NMNAT2: variants seen among roughly 807,000 people sequenced by gnomAD.
NMNAT2 encodes nicotinamide nucleotide adenylyltransferase 2, also known as nicotinamide/nicotinic acid mononucleotide adenylyltransferase 2.
A neutral mutation model predicts 41.6 loss-of-function variants in NMNAT2; 11 were observed. The observed-to-expected ratio is 0.26, with a 90% CI of 0.17 to 0.44. The LOEUF is 0.44. Ranked by LOEUF, NMNAT2 falls within the 20% of genes least tolerant of loss-of-function variation. The pLI is 1.00. For synonymous variants in NMNAT2, 148 were observed against 151.2 expected (o/e 0.98, Z 0.16); for missense variants, 288 against 407.7 (o/e 0.71, Z 2.53).
At chr1:183,307,072 G>C (rs564163664) in intron 1 of NMNAT2, among the ~76,000 whole-genome samples, 1 of 152,274 alleles carries the variant, frequency 6.6e-6, no homozygotes, top group South Asian at 2.1e-4. Flanking sequence ...AAAATGTGCA[G>C]CTTGCCAATG....
chr1:183,351,827 C>T (rs566342905), intron 1 of NMNAT2, among the ~76,000 whole-genome samples: 2 of 152,216 alleles, frequency 1.3e-5, no homozygotes, highest in South Asian at 2.1e-4. Context: ...AAACCAGGTA[C>T]CCTTGGAAAG....
intron 1 of NMNAT2, among the ~76,000 whole-genome samples, chr1:183,304,483 C>A (rs780501936): frequency 6.6e-6 from 1 of 152,040 alleles, no homozygotes; most frequent in Non-Finnish European, 1.5e-5. Context: ...GACTGGCCAG[C>A]AGAAGGTGCG....
intron 1 of NMNAT2, among the ~76,000 whole-genome samples, chr1:183,333,292 T>C (rs1662620970): frequency 6.6e-6 from 1 of 152,222 alleles, no homozygotes; most frequent in Non-Finnish European, 1.5e-5. Flanking sequence ...TCATCTCTAC[T>C]ATGGTAGGCA....
At chr1:183,272,738 C>T (rs923816703) in intron 8 of NMNAT2, among the ~76,000 whole-genome samples, 3 of 152,220 alleles carry the variant, frequency 2.0e-5, no homozygotes, top group African/African-American at 4.8e-5. Context: ...CGGTCTCAGC[C>T]GGTTCCAGCC....
intron 1 of NMNAT2, among the ~76,000 whole-genome samples, chr1:183,388,607 A>G (rs1205229542): frequency 6.6e-6 from 1 of 152,254 alleles, no homozygotes; most frequent in Non-Finnish European, 1.5e-5. Context: ...TGCAACCACT[A>G]GTCCTCAGTT....
chr1:183,356,924 A>G (rs902121155), intron 1 of NMNAT2, among the ~76,000 whole-genome samples: 4 of 152,212 alleles, frequency 2.6e-5, no homozygotes, highest in Admixed American at 2.0e-4. Flanking sequence ...ATAGTATTCC[A>G]TGGTGCATAG....
At chr1:183,386,656 A>G (rs940218032) in intron 1 of NMNAT2, among the ~76,000 whole-genome samples, 3 of 152,154 alleles carry the variant, frequency 2.0e-5, no homozygotes, top group Non-Finnish European at 4.4e-5. Flanking sequence ...AGGTCATACT[A>G]TCTTTCTATA....
At chr1:183,280,943 A>G (rs1282597413) in intron 7 of NMNAT2, among the ~76,000 whole-genome samples, 6 of 150,472 alleles carry the variant, frequency 4.0e-5, no homozygotes, top group African/African-American at 1.5e-4. Flanking sequence ...GTGCCACCAC[A>G]CCCGGCTAAT....
At chr1:183,411,498 G>T (rs1649115940) in intron 1 of NMNAT2, among the ~76,000 whole-genome samples, 1 of 151,994 alleles carries the variant, frequency 6.6e-6, no homozygotes, top group African/African-American at 2.4e-5. Context: ...TAGAGACAGG[G>T]TTTCCCCATA....
At chr1:183,311,337 A>G (rs945421254) in intron 1 of NMNAT2, among the ~76,000 whole-genome samples, 1 of 152,174 alleles carries the variant, frequency 6.6e-6, no homozygotes, top group African/African-American at 2.4e-5. Flanking sequence ...TAATTAATTA[A>G]CTGGTTCTTT....
At chr1:183,379,087 TCTATAATCTATA>T (rs1206472339) in intron 1 of NMNAT2, among the ~76,000 whole-genome samples, 11 of 111,570 alleles carry the variant, frequency 9.9e-5, no homozygotes, top group African/African-American at 3.5e-4. Context: ...TATATCTATA[TCTATAATCTATA>T]ATCTATATCT....
intron 3 of NMNAT2, among the ~76,000 whole-genome samples, chr1:183,291,085 T>G (rs1661528081): frequency 6.6e-6 from 1 of 152,026 alleles, no homozygotes; most frequent in Non-Finnish European, 1.5e-5. Flanking sequence ...CCCAGTTAAT[T>G]TTTGTATTTT....
chr1:183,304,813 G>A, intron 1 of NMNAT2: 1 of 1,607,342 alleles, frequency 6.2e-7, no homozygotes, highest in Admixed American at 1.7e-5. Context: ...AAGTGGTGCA[G>A]CTGCTCCCTC....
rs142003878 is a variant in NMNAT2 at position 183,387,964 on chromosome 1, C to A, written c.85+30219G>T. 2.6e-5 allele frequency among the ~76,000 whole-genome samples: 4 copies of A among 152,234 alleles called. No homozygotes were observed. The East Asian group carries it at 7.7e-4, about 29-fold the overall frequency. ...AGTAATAACAAACCCTTAGAGAACA[C>A]CAGAATAATGTTAATAATAGCTAAC... On this transcript the variant is annotated intron_variant, in intron 1 of 10. Coordinates refer to ENST00000287713, the MANE Select transcript of NMNAT2 (RefSeq NM_015039.4).
intron 1 of NMNAT2, among the ~76,000 whole-genome samples, chr1:183,371,518 C>T (rs897253110): frequency 6.6e-6 from 1 of 152,176 alleles, no homozygotes; most frequent in Admixed American, 6.5e-5. Flanking sequence ...ATGTACCCCT[C>T]TGGTGGGGGA....
chr1:183,291,052 G>C (rs1343347519), intron 3 of NMNAT2, among the ~76,000 whole-genome samples: 1 of 152,154 alleles, frequency 6.6e-6, no homozygotes, highest in Admixed American at 6.5e-5. Flanking sequence ...GAGTAGCTGA[G>C]ACTACAGGCA....
At chr1:183,266,586 G>T (rs919157406) in intron 8 of NMNAT2, 3 of 154,260 alleles carry the variant, frequency 1.9e-5, no homozygotes, top group African/African-American at 7.2e-5. Context: ...CTGGTATGAT[G>T]TAAAAACACC....
intron 1 of NMNAT2, among the ~76,000 whole-genome samples, chr1:183,373,891 T>C (rs772604108): frequency 1.3e-5 from 2 of 152,224 alleles, no homozygotes; most frequent in Non-Finnish European, 2.9e-5. Flanking sequence ...GTGCTGGGAT[T>C]ACAGGCATGA....
At chr1:183,291,529 C>T (rs956904448) in intron 3 of NMNAT2, among the ~76,000 whole-genome samples, 2 of 152,168 alleles carry the variant, frequency 1.3e-5, no homozygotes, top group Non-Finnish European at 2.9e-5. Flanking sequence ...TCTCAATTCT[C>T]AGGATTCTGA....
Sources: allele counts gnomAD v4.1 joint callset (sites outside exome capture counted in the v4.1 genomes callset), GRCh38; gene constraint gnomAD v4.1.1; transcripts MANE v1.5; gene names NCBI Gene and HGNC (gene_info 2026-07-23, HGNC 2026-07-21).